Variants in ANO4 observed in about 807,000 individuals in gnomAD.
ANO4 encodes the protein anoctamin-4.
ANO4 carries 69 observed loss-of-function variants against 141.9 expected under a neutral mutation model. That is an observed-to-expected ratio of 0.49 (90% CI 0.40 to 0.59). ANO4 has a LOEUF of 0.59. Ranked by LOEUF, ANO4 falls within the 20% of genes least tolerant of loss-of-function variation. The pLI, the probability that ANO4 is intolerant of heterozygous loss-of-function variation, is 0.00. For missense variants in ANO4, 894 were observed against 1,162.2 expected, an observed-to-expected ratio of 0.77 and a Z score of 3.36; for synonymous variants, 350 against 394.3, an observed-to-expected ratio of 0.89 and a Z score of 1.33.
At chr12:100,878,103 C>A (rs2039403744) in intron 1 of ANO4, among the ~76,000 whole-genome samples, 1 of 152,080 alleles carries the variant, frequency 6.6e-6, no homozygotes. Context: ...AATCACAAAG[C>A]AATATTGTGC....
intron 18 of ANO4, among the ~76,000 whole-genome samples, chr12:101,095,285 A>G (rs1317434438): frequency 5.7e-5 from 6 of 105,270 alleles, no homozygotes; most frequent in Non-Finnish European, 1.0e-4. Context: ...GTTCTTGCCC[A>G]AAAAGATAGA....
intron 1 of ANO4, among the ~76,000 whole-genome samples, chr12:100,892,420 TACTC>T (rs2040148720): frequency 6.6e-6 from 1 of 152,200 alleles, no homozygotes. Context: ...CACTTTCCCT[TACTC>T]ACCCCCTCTT....
At chr12:100,966,872 TACAC>T (rs1165381190) in intron 5 of ANO4, among the ~76,000 whole-genome samples, 1 of 116,230 alleles carries the variant, frequency 8.6e-6, no homozygotes, top group Non-Finnish European at 1.7e-5. Context: ...TATATATATA[TACAC>T]ACACACATAC....
At chr12:100,981,323 A>G (rs1443596766) in intron 7 of ANO4, among the ~76,000 whole-genome samples, 1 of 152,088 alleles carries the variant, frequency 6.6e-6, no homozygotes, top group Non-Finnish European at 1.5e-5. Context: ...AAATCTGGAG[A>G]CTTGGCTCTA....
intron 1 of ANO4, among the ~76,000 whole-genome samples, chr12:100,850,156 T>G (rs1299843053): frequency 6.6e-6 from 1 of 152,236 alleles, no homozygotes; most frequent in African/African-American, 2.4e-5. Flanking sequence ...TAATAAAATG[T>G]AAACATTTTC....
chr12:100,975,525 G>C (rs1401688197), intron 7 of ANO4, among the ~76,000 whole-genome samples: 3 of 43,862 alleles, frequency 6.8e-5, no homozygotes, highest in Non-Finnish European at 1.2e-4. Flanking sequence ...GGGTTCAAGC[G>C]ATTCTCCTGC....
intron 1 of ANO4, among the ~76,000 whole-genome samples, chr12:100,851,202 A>G (rs2037853780): frequency 6.6e-6 from 1 of 152,186 alleles, no homozygotes; most frequent in Non-Finnish European, 1.5e-5. Flanking sequence ...AGTTGTCCAT[A>G]TCATATATTC....
intron 14 of ANO4, among the ~76,000 whole-genome samples, chr12:101,073,260 A>T (rs1021516079): frequency 2.0e-5 from 3 of 150,528 alleles, no homozygotes; most frequent in African/African-American, 7.5e-5. Context: ...GGATGAGTTC[A>T]TGTCCTTTAC....
At position 100,784,339 on chromosome 12, in the gene ANO4, C is replaced by T. The variant is rs953985381; in HGVS notation, c.358+44234C>T. Among the ~76,000 whole-genome samples the T allele has an allele frequency of 3.3e-5, 5 of 152,296 alleles. No individual in the cohort carries two copies. In the East Asian group the frequency reaches 7.7e-4, roughly 24 times the overall value. On this transcript the variant is annotated intron_variant, in intron 3 of 29. Coordinates refer to the ANO4 transcript ENST00000644049. Reference sequence around the variant, plus strand: ...TCTTCTAACTACACCCAGAACACCCCTTGTCCCCTTTTGGAACACAGCGAC... The same window carrying T: ...TCTTCTAACTACACCCAGAACACCCTTTGTCCCCTTTTGGAACACAGCGAC...
chr12:100,723,045 C>T (rs2030938051), intron 1 of ANO4, among the ~76,000 whole-genome samples: 1 of 151,904 alleles, frequency 6.6e-6, no homozygotes, highest in Admixed American at 6.6e-5. Context: ...CACTCATGGT[C>T]AACATCGATT....
chr12:100,873,254 A>G (rs2039122813), intron 1 of ANO4, among the ~76,000 whole-genome samples: 1 of 152,218 alleles, frequency 6.6e-6, no homozygotes, highest in African/African-American at 2.4e-5. Context: ...ATACCTGAAA[A>G]TGTGGAAGTG....
rs1346925629 is a variant in ANO4, at chr12:101,128,559, A to G, written c.*703A>G. 3 of 152,674 alleles carry G rather than the reference A, an allele frequency of 2.0e-5. No individual in the cohort carries two copies. Among genetic ancestry groups the G allele is most frequent in the Non-Finnish European group, 4.4e-5 (3 of 68,046 alleles). The allele number at this position is 152,674 out of a possible 1,614,324, so 9.5% of individuals were successfully genotyped here. ...GAATTTTCACATTTAAATAGTCATC[A>G]ATATGAAGCCATGATTAATGCTTGT... On this transcript the variant is annotated 3_prime_UTR_variant, in exon 28 of 28. Transcript: ENST00000392977.
At chr12:100,969,519 A>G (rs1357977689) in intron 5 of ANO4, among the ~76,000 whole-genome samples, 1 of 152,218 alleles carries the variant, frequency 6.6e-6, no homozygotes, top group Non-Finnish European at 1.5e-5. Context: ...TAGAGTATTT[A>G]TAACCCTTGA....
At chr12:100,969,346 T>G (rs182298858) in intron 5 of ANO4, among the ~76,000 whole-genome samples, 1 of 152,218 alleles carries the variant, frequency 6.6e-6, no homozygotes, top group East Asian at 1.9e-4. Context: ...CAGCCTGAAC[T>G]GCCAGAAAGT....
intron 1 of ANO4, among the ~76,000 whole-genome samples, chr12:100,866,952 C>T (rs1053048237): frequency 3.3e-5 from 5 of 152,324 alleles, no homozygotes; most frequent in African/African-American, 1.2e-4. Context: ...TCCTAGCTCC[C>T]ACTGTAATTG....
At chr12:100,843,318 A>ATG (rs1253226071) in intron 1 of ANO4, among the ~76,000 whole-genome samples, 1 of 152,202 alleles carries the variant, frequency 6.6e-6, no homozygotes, top group Admixed American at 6.5e-5. Flanking sequence ...TAAGTCAAGA[A>ATG]TGAATAGATT....
chr12:100,850,212 G>A (rs2037794529), intron 1 of ANO4, among the ~76,000 whole-genome samples: 1 of 152,032 alleles, frequency 6.6e-6, no homozygotes, highest in African/African-American at 2.4e-5. Context: ...CTTGGAAAGG[G>A]GACTTATATA....
chr12:101,028,347 G>A (rs571808020), intron 9 of ANO4, among the ~76,000 whole-genome samples: 8 of 152,322 alleles, frequency 5.3e-5, no homozygotes, highest in African/African-American at 1.9e-4. Flanking sequence ...ATTGACATAA[G>A]TAGGCTTCAG....
intron 5 of ANO4, among the ~76,000 whole-genome samples, chr12:100,966,816 C>CAT (rs34861561): frequency 0.019 from 2,749 of 142,294 alleles, 38 homozygotes; most frequent in Non-Finnish European, 0.029. Context: ...CACACACACA[C>CAT]ATATATATAT....
Sources: allele counts gnomAD v4.1 joint callset (sites outside exome capture counted in the v4.1 genomes callset), GRCh38; gene constraint gnomAD v4.1.1; transcripts MANE v1.5; gene names NCBI Gene and HGNC (gene_info 2026-07-23, HGNC 2026-07-21).